The following HASPIN variants were observed in gnomAD, a reference collection of about 807,000 sequenced individuals.
The protein encoded by HASPIN is histone H3 associated protein kinase, also known as serine/threonine-protein kinase haspin.
HASPIN carries 24 observed loss-of-function variants against 28.8 expected under a neutral mutation model. The observed-to-expected ratio is 0.83, with a 90% CI of 0.60 to 1.17. The LOEUF (loss-of-function observed/expected upper bound fraction) is 1.17, where lower values mean the gene tolerates loss of function less well. HASPIN is among the 50% of genes most tolerant of loss of function. The probability of loss-of-function intolerance (pLI) is 0.00; values close to 1 mark genes in which losing one functional copy is unlikely to be tolerated. For synonymous variants in HASPIN, 440 were observed against 413.1 expected (o/e 1.07, Z -0.79); for missense variants, 1,016 against 1,018.5 (o/e 1.00, Z 0.03).
chr17:3,725,183 C>T lies in HASPIN; in HGVS notation c.1248C>T (p.Leu416=), dbSNP rs752502365. Residue 416 remains leucine (L), a synonymous_variant, in exon 1 of 1, where the codon CTC becomes CTT. Transcript: ENST00000325418. ...CTGCCACTTCTCTCTCTGGATCCCT[C>T]CTATCAGAATGTTCAAACCGGCCTG... ...YTTATSLSGS[L]LSECSNRPVM... The T allele has an allele frequency of 1.9e-6, 3 of 1,614,106 alleles. No homozygotes were observed. Among genetic ancestry groups the T allele is most frequent in the South Asian group, 2.2e-5 (2 of 91,088 alleles).
At position 3,725,055 on chromosome 17, in the gene HASPIN, C is replaced by T; in HGVS notation, c.1120C>T (p.Pro374Ser). 1 of 1,614,242 alleles carries T rather than the reference C, an allele frequency of 6.2e-7. No individual in the cohort carries two copies. Among genetic ancestry groups the T allele is most frequent in the Non-Finnish European group, 8.5e-7 (1 of 1,180,044 alleles). The change falls in exon 1 of 1, where the codon CCT becomes TCT. Residue 374 changes from proline to serine, a missense_variant. Physicochemically the swap from Pro to Ser is moderately conservative, Grantham distance 74. Transcript: ENST00000325418. ...KDSFPTQDLTPLQNVCFWTKT... is the reference protein window; with the variant it reads ...KDSFPTQDLTSLQNVCFWTKT... ...TTCGTTCCCCACCCAGGACCTGACT[C>T]CTTTACAGAATGTCTGCTTTTGGAC...
In HASPIN at chr17:3,726,564, G is replaced by A. The variant is rs747992188; in HGVS notation, c.*232G>A. 2 of 512,082 alleles carry A rather than the reference G, an allele frequency of 3.9e-6. No homozygotes were observed. The highest frequency in any genetic ancestry group is 3.8e-5 in the African/African-American group (2 of 52,110). The allele number at this position is 512,082 out of a possible 1,614,324, so 31.7% of individuals were successfully genotyped here. On this transcript the variant is annotated 3_prime_UTR_variant, in exon 1 of 1. Transcript: ENST00000325418. Reference sequence around the variant, plus strand: ...GTAAACTAGCCGGGCACAGTGGCGTGCGCCTGTAGTCCCAGCTACTCGGGA... The same window carrying A: ...GTAAACTAGCCGGGCACAGTGGCGTACGCCTGTAGTCCCAGCTACTCGGGA...
Position 3,723,998 on chromosome 17 carries a change from C to T in HASPIN, c.63C>T (p.Gly21=), listed in dbSNP as rs757273128. 1 of 1,595,016 alleles carries T rather than the reference C, an allele frequency of 6.3e-7. No individual in the cohort carries two copies. The highest frequency in any genetic ancestry group is 1.1e-5 in the South Asian group (1 of 90,684). Residue 21 remains glycine, a synonymous_variant, in exon 1 of 1, where the codon GGC becomes GGT. Transcript: ENST00000325418. ...TCCGCACATATGGGGCTGCGGACGG[C>T]AGGAGACAGCGGCGGCCGGGCCGGG... ...RLFRTYGAAD[G]RRQRRPGREA...
In HASPIN at chr17:3,724,458, C is replaced by A; in HGVS notation, c.523C>A (p.Pro175Thr). Residue 175 changes from proline (P) to threonine (T), a missense_variant, in exon 1 of 1, where the codon CCC becomes ACC. Physicochemically the swap from Pro to Thr is conservative, Grantham distance 38. Transcript: ENST00000325418. ...CTCCCTGTTCAGCTCTCTGGCCTCG[C>A]CCTGCCCCGGGTCCCCAACGCCAAG... is the stretch of plus-strand genomic sequence containing the variant. ...SASLFSSLASPCPGSPTPRDS... is the reference protein window; with the variant it reads ...SASLFSSLASTCPGSPTPRDS... 6.2e-7 allele frequency: 1 copy of A among 1,613,798 alleles called. No individual in the cohort carries two copies. Among genetic ancestry groups the A allele is most frequent in the East Asian group, 2.2e-5 (1 of 44,874 alleles).
rs1380967842 is a variant in HASPIN at position 3,724,428 on chromosome 17, AGTGCCT to A, written c.494_499del (p.Ser165_Ser167delinsThr). ...CAGGGACGGCGACGAGCTGGGCATC[AGTGCCT>A]CCCTGTTCAGCTCTCTGGCCTCGCC... On this transcript the variant is annotated inframe_deletion, in exon 1 of 1. Coordinates refer to ENST00000325418, the MANE Select transcript of HASPIN (RefSeq NM_031965.2). 6.2e-7 allele frequency: 1 copy of A among 1,613,114 alleles called. No individual in the cohort carries two copies.
chr17:3,725,245 ACTC>A lies in HASPIN; in HGVS notation c.1317_1319del (p.Ser440del), dbSNP rs1452438661. On this transcript the variant is annotated inframe_deletion, in exon 1 of 1. Transcript: ENST00000325418. ...ACAAGTGGTGCTCCGTCCTCTTGGC[ACTC>A]CTCCTCTATGTATTTGCTAAGCCCC... is the stretch of plus-strand genomic sequence containing the variant. 3 of 1,613,860 alleles carry A rather than the reference ACTC, an allele frequency of 1.9e-6. No homozygotes were observed. Among genetic ancestry groups the A allele is most frequent in the Non-Finnish European group, 1.7e-6 (2 of 1,179,936 alleles).
chr17:3,724,358 C>T lies in HASPIN; in HGVS notation c.423C>T (p.Arg141=). The T allele has an allele frequency of 6.2e-7, 1 of 1,600,846 alleles. No homozygotes were observed. The highest frequency in any genetic ancestry group is 8.5e-7 in the Non-Finnish European group (1 of 1,176,654). ...GPLRLPPFPS[R]DSGRLSPDLS... ...TCCGACTTCCGCCCTTCCCCAGCCG[C>T]GACTCCGGCCGCCTCAGCCCGGACC... The change falls in exon 1 of 1, where the codon CGC becomes CGT. Residue 141 remains arginine, a synonymous_variant. Coordinates refer to ENST00000325418, the MANE Select transcript of HASPIN (RefSeq NM_031965.2).
In HASPIN at chr17:3,723,984, G is replaced by C. The variant is rs1182396595; in HGVS notation, c.49G>C (p.Gly17Arg). The C allele has an allele frequency of 2.5e-6, 4 of 1,592,824 alleles. No homozygotes were observed. Reference sequence around the variant, plus strand: ...TGGGAGCCGGCTTTTCCGCACATATGGGGCTGCGGACGGCAGGAGACAGCG... The same window carrying C: ...TGGGAGCCGGCTTTTCCGCACATATCGGGCTGCGGACGGCAGGAGACAGCG... The part of the protein sequence containing the change: ...GPGSRLFRTY[G>R]AADGRRQRRP... Residue 17 changes from glycine (G) to arginine (R), a missense_variant, in exon 1 of 1, where the codon GGG (glycine) becomes CGG (arginine). Gly to Arg is a moderately radical substitution (Grantham distance 125, BLOSUM62 -2). Around this residue, in one of 3 missense-constraint regions of HASPIN, gnomAD observed 881 missense variants for 845.5 expected, o/e 1.04. Coordinates refer to ENST00000325418, the MANE Select transcript of HASPIN (RefSeq NM_031965.2).
In HASPIN at chr17:3,725,694, G is replaced by C; in HGVS notation, c.1759G>C (p.Ala587Pro). ...TCACTATAATTCAACCAAAGGCTCT[G>C]CAAATGACCGGCCTGATTTTTTTAA... is the stretch of plus-strand genomic sequence containing the variant. ...WDHYNSTKGS[A>P]NDRPDFFKDD... The change falls in exon 1 of 1, where the codon GCA becomes CCA. Residue 587 changes from alanine to proline, a missense_variant. Ala to Pro is a conservative substitution (Grantham distance 27, BLOSUM62 -1). Coordinates refer to ENST00000325418, the MANE Select transcript of HASPIN (RefSeq NM_031965.2). 6.3e-7 allele frequency: 1 copy of C among 1,577,680 alleles called. No individual in the cohort carries two copies. The highest frequency in any genetic ancestry group is 8.6e-7 in the Non-Finnish European group (1 of 1,162,252).
In HASPIN at chr17:3,724,155, A is replaced by C. The variant is rs2051144384; in HGVS notation, c.220A>C (p.Ser74Arg). Residue 74 changes from serine to arginine, a missense_variant, in exon 1 of 1, where the codon AGC becomes CGC. By Grantham distance (110) the Ser-to-Arg change is moderately radical (BLOSUM62 -1). Around this residue, in one of 3 missense-constraint regions of HASPIN, gnomAD observed 881 missense variants for 845.5 expected, o/e 1.04. Transcript: ENST00000325418. ...TCCCGACGACCCCGACTTCCCCGGCAGCCCGGTGAGGCGGCGGCGGAGGCG... is the reference window on the plus strand; with the variant it reads ...TCCCGACGACCCCGACTTCCCCGGCCGCCCGGTGAGGCGGCGGCGGAGGCG... Reference protein sequence around the residue: ...DDPDDPDFPGSPVRRRRRRPG... With the variant: ...DDPDDPDFPGRPVRRRRRRPG... The C allele has an allele frequency of 6.3e-7, 1 of 1,594,626 alleles. No individual in the cohort carries two copies. Among genetic ancestry groups the C allele is most frequent in the African/African-American group, 1.3e-5 (1 of 74,548 alleles).
rs769624357 is a variant in HASPIN at position 3,724,045 on chromosome 17, C to T, written c.110C>T (p.Pro37Leu). The stretch of plus-strand genomic sequence containing the variant: ...CGGGAAGCCGCGCAGTGGTTCCCGC[C>T]GCAGGACCGGAGGCGTTTCTTCAAC... ...PGREAAQWFPPQDRRRFFNSS... is the reference protein window; with the variant it reads ...PGREAAQWFPLQDRRRFFNSS... Residue 37 changes from proline to leucine, a missense_variant, in exon 1 of 1, where the codon CCG becomes CTG. Pro to Leu is a moderately conservative substitution (Grantham distance 98). Coordinates refer to ENST00000325418, the MANE Select transcript of HASPIN (RefSeq NM_031965.2). The T allele has an allele frequency of 3.8e-6, 6 of 1,596,440 alleles. No homozygotes were observed. The Admixed American group carries it at 5.0e-5, about 13-fold the overall frequency.
Position 3,725,086 on chromosome 17 carries a change from C to A in HASPIN, c.1151C>A (p.Thr384Asn). The A allele has an allele frequency of 6.2e-7, 1 of 1,614,208 alleles. No individual in the cohort carries two copies. The highest frequency in any genetic ancestry group is 1.3e-5 in the African/African-American group (1 of 75,056). Residue 384 changes from threonine to asparagine, a missense_variant, in exon 1 of 1, where the codon ACC becomes AAC. Physicochemically the swap from Thr to Asn is moderately conservative, Grantham distance 65. Coordinates refer to ENST00000325418, the MANE Select transcript of HASPIN (RefSeq NM_031965.2). ...PLQNVCFWTK[T>N]RASFSFHKKK... ...CAGAATGTCTGCTTTTGGACCAAAA[C>A]CAGGGCTTCCTTCAGTTTCCACAAG... is the stretch of plus-strand genomic sequence containing the variant.
In HASPIN at chr17:3,724,464, C is replaced by A. The variant is rs780570031; in HGVS notation, c.529C>A (p.Pro177Thr). 1 of 1,613,866 alleles carries A rather than the reference C, an allele frequency of 6.2e-7. No homozygotes were observed. The highest frequency in any genetic ancestry group is 1.7e-5 in the Admixed American group (1 of 60,022). ...SLFSSLASPCPGSPTPRDSVI... is the reference protein window; with the variant it reads ...SLFSSLASPCTGSPTPRDSVI... ...GTTCAGCTCTCTGGCCTCGCCCTGC[C>A]CCGGGTCCCCAACGCCAAGGGACAG... The change falls in exon 1 of 1, where the codon CCC (proline) becomes ACC (threonine). Residue 177 changes from proline (P) to threonine (T), a missense_variant. Coordinates refer to ENST00000325418, the MANE Select transcript of HASPIN (RefSeq NM_031965.2).
chr17:3,724,137 G>C lies in HASPIN; in HGVS notation c.202G>C (p.Asp68His), dbSNP rs1567756000. ...GTCCGACGATCCTGACGATCCCGAC[G>C]ACCCCGACTTCCCCGGCAGCCCGGT... The part of the protein sequence containing the change: ...SQSDDPDDPD[D>H]PDFPGSPVRR... The change falls in exon 1 of 1, where the codon GAC becomes CAC. Residue 68 changes from aspartate to histidine, a missense_variant. Physicochemically the swap from Asp to His is moderately conservative, Grantham distance 81 (BLOSUM62 -1). This residue lies in a region of HASPIN where 881 missense variants were observed against 845.5 expected (regional missense o/e 1.04). Transcript: ENST00000325418. 1.3e-6 allele frequency: 2 copies of C among 1,595,524 alleles called. No homozygotes were observed. The highest frequency in any genetic ancestry group is 1.7e-6 in the Non-Finnish European group (2 of 1,177,416).
Position 3,724,091 on chromosome 17 carries a change from C to T in HASPIN, c.156C>T (p.Ala52=). ...RFFNSSGSSD[A]SIGDPSQSDD... ...TCAACAGCAGCGGCAGCAGCGACGC[C>T]AGCATCGGCGACCCCTCGCAGTCCG... The change falls in exon 1 of 1, where the codon GCC becomes GCT. Residue 52 remains alanine (A), a synonymous_variant. Coordinates refer to ENST00000325418, the MANE Select transcript of HASPIN (RefSeq NM_031965.2). 6.3e-7 allele frequency: 1 copy of T among 1,595,914 alleles called. No individual in the cohort carries two copies. The highest frequency in any genetic ancestry group is 8.5e-7 in the Non-Finnish European group (1 of 1,177,652).
At position 3,726,392 on chromosome 17, in the gene HASPIN, G is replaced by C; in HGVS notation, c.*60G>C. Reference sequence around the variant, plus strand: ...GACTGGTCTTGAAGCCTCTGGTGCTGTTTCAACCTCCATCCCCACAGGAGG... The same window carrying C: ...GACTGGTCTTGAAGCCTCTGGTGCTCTTTCAACCTCCATCCCCACAGGAGG... On this transcript the variant is annotated 3_prime_UTR_variant, in exon 1 of 1. Coordinates refer to ENST00000325418, the MANE Select transcript of HASPIN (RefSeq NM_031965.2). 8.3e-7 allele frequency: 1 copy of C among 1,199,912 alleles called. No homozygotes were observed. Among genetic ancestry groups the C allele is most frequent in the Admixed American group, 2.1e-5 (1 of 47,100 alleles). 74.3% of individuals were successfully genotyped at this position (1,199,912 alleles called of 1,614,324 possible).
rs1333856716 is a variant in HASPIN at position 3,725,739 on chromosome 17, G to T, written c.1804G>T (p.Val602Leu). 6.3e-7 allele frequency: 1 copy of T among 1,582,292 alleles called. No homozygotes were observed. Among genetic ancestry groups the T allele is most frequent in the Non-Finnish European group, 8.6e-7 (1 of 1,163,740 alleles). Residue 602 changes from valine to leucine, a missense_variant, in exon 1 of 1, where the codon GTG (valine) becomes TTG (leucine). Val to Leu is a conservative substitution (Grantham distance 32). This residue lies in a region of HASPIN where 881 missense variants were observed against 845.5 expected (regional missense o/e 1.04). Transcript: ENST00000325418. ...DFFKDDQLFI[V>L]LEFEFGGIDL... is the part of the protein sequence containing the mutation. ...TTTTAAAGACGACCAGCTCTTCATT[G>T]TGCTGGAATTTGAGTTTGGAGGGAT...
chr17:3,726,622 G>T lies in HASPIN; in HGVS notation c.*290G>T. 2.7e-6 allele frequency: 1 copy of T among 370,738 alleles called. No individual in the cohort carries two copies. The highest frequency in any genetic ancestry group is 4.9e-6 in the Non-Finnish European group (1 of 206,166). 23.0% of individuals were successfully genotyped at this position (370,738 alleles called of 1,614,324 possible). A position where few individuals can be genotyped will look rare whatever the true frequency, so the allele number is the denominator to read the frequency against. ...GCAGGAGGATCGCTTGAGCCCAAGAGTTCATATCTAGCCTGGTCAACATAG... is the reference window on the plus strand; with the variant it reads ...GCAGGAGGATCGCTTGAGCCCAAGATTTCATATCTAGCCTGGTCAACATAG... On this transcript the variant is annotated 3_prime_UTR_variant, in exon 1 of 1. Transcript: ENST00000325418.
At position 3,725,225 on chromosome 17, in the gene HASPIN, T is replaced by C; in HGVS notation, c.1290T>C (p.Ser430=). ...CSNRPVMNRT[S]GAPSSWHSSS... is the part of the protein sequence containing the mutation. The stretch of plus-strand genomic sequence containing the variant: ...ACCGGCCTGTCATGAACAGAACAAG[T>C]GGTGCTCCGTCCTCTTGGCACTCCT... Residue 430 remains serine, a synonymous_variant, in exon 1 of 1, where the codon AGT becomes AGC. Transcript: ENST00000325418. 6.2e-7 allele frequency: 1 copy of C among 1,614,158 alleles called. No homozygotes were observed. The highest frequency in any genetic ancestry group is 8.5e-7 in the Non-Finnish European group (1 of 1,180,014).
Sources: allele counts gnomAD v4.1 joint callset, GRCh38; gene constraint gnomAD v4.1.1; regional missense constraint gnomAD v4.1.1; transcripts MANE v1.5; gene names NCBI Gene and HGNC (gene_info 2026-07-23, HGNC 2026-07-21).